NRG3: variants seen among roughly 807,000 people sequenced by gnomAD.
The protein encoded by NRG3 is neuregulin 3, also known as pro-neuregulin-3, membrane-bound isoform.
A neutral mutation model predicts 66.9 loss-of-function variants in NRG3; 31 were observed. The ratio of observed to expected loss-of-function variants is 0.46; its 90% CI spans 0.35 to 0.63. The LOEUF (loss-of-function observed/expected upper bound fraction) is 0.63, where lower values mean the gene tolerates loss of function less well. NRG3 is among the 20% of genes least tolerant of loss of function. NRG3 has a pLI of 0.00. For synonymous variants in NRG3, 393 were observed against 359.4 expected (o/e 1.09, Z -1.06); for missense variants, 910 against 878.9 (o/e 1.04, Z -0.45).
intron 2 of NRG3, among the ~76,000 whole-genome samples, chr10:82,402,649 C>A (rs1026749594): frequency 6.6e-6 from 1 of 152,116 alleles, no homozygotes; most frequent in Admixed American, 6.6e-5. Context: ...GTATCACTAA[C>A]CTGAATCTTT....
chr10:81,923,610 C>A (rs1449527656), intron 1 of NRG3, among the ~76,000 whole-genome samples: 1 of 152,326 alleles, frequency 6.6e-6, no homozygotes, highest in Non-Finnish European at 1.5e-5. Flanking sequence ...TTTTCCCACA[C>A]TCCTAAGAGA....
chr10:81,935,919 A>ACACACACACACACAC (rs1192033295), intron 1 of NRG3, among the ~76,000 whole-genome samples: 133 of 146,758 alleles, frequency 9.1e-4, no homozygotes, highest in African/African-American at 3.3e-3. Context: ...ACACACACAC[A>ACACACACACACACAC]CACACAGTTT....
At chr10:82,386,891 C>T (rs886365943) in intron 2 of NRG3, among the ~76,000 whole-genome samples, 17 of 152,106 alleles carry the variant, frequency 1.1e-4, no homozygotes, top group African/African-American at 3.1e-4. Context: ...CCTCCTCCTC[C>T]CGGGTTCAAG....
intron 2 of NRG3, among the ~76,000 whole-genome samples, chr10:82,369,067 T>A (rs2084720261): frequency 7.2e-6 from 1 of 138,596 alleles, no homozygotes; most frequent in African/African-American, 3.3e-5. Context: ...AGCATGCTAT[T>A]TCTTTCCAAA....
intron 1 of NRG3, among the ~76,000 whole-genome samples, chr10:82,357,507 G>A (rs1198453074): frequency 6.6e-6 from 1 of 152,174 alleles, no homozygotes; most frequent in Non-Finnish European, 1.5e-5. Flanking sequence ...TGGAGGCTGG[G>A]AAGTCTAAGG....
chr10:81,887,778 A>T (rs774952749), intron 1 of NRG3, among the ~76,000 whole-genome samples: 1 of 152,124 alleles, frequency 6.6e-6, no homozygotes, highest in Non-Finnish European at 1.5e-5. Flanking sequence ...TTCTATTTAT[A>T]TACTGTGTAA....
chr10:82,464,245 C>T (rs1840462363), intron 2 of NRG3, among the ~76,000 whole-genome samples: 1 of 152,110 alleles, frequency 6.6e-6, no homozygotes, highest in African/African-American at 2.4e-5. Context: ...AATATGAAGA[C>T]TTAGGCTCAG....
At chr10:82,332,146 C>A (rs1488203988) in intron 1 of NRG3, among the ~76,000 whole-genome samples, 1 of 152,182 alleles carries the variant, frequency 6.6e-6, no homozygotes, top group African/African-American at 2.4e-5. Flanking sequence ...TTCTTTGGAG[C>A]CATAGTGTTC....
intron 1 of NRG3, among the ~76,000 whole-genome samples, chr10:82,290,418 T>A (rs572770353): frequency 6.2e-4 from 95 of 152,318 alleles, no homozygotes; most frequent in African/African-American, 2.1e-3. Context: ...ATATTTGATA[T>A]CTATTTATAC....
At position 81,875,513 on chromosome 10, in the gene NRG3, T is replaced by G; in HGVS notation, c.173T>G (p.Ile58Ser). 1 of 1,608,970 alleles carries G rather than the reference T, an allele frequency of 6.2e-7. No homozygotes were observed. Among genetic ancestry groups the G allele is most frequent in the Non-Finnish European group, 8.5e-7 (1 of 1,178,066 alleles). ...PPRELRCSDC[I>S]VWNRQQTWLC... Reference sequence around the variant, plus strand: ...CGGGAGTTACGCTGTAGCGACTGCATCGTGTGGAACCGGCAGCAGACGTGG... The same window carrying G: ...CGGGAGTTACGCTGTAGCGACTGCAGCGTGTGGAACCGGCAGCAGACGTGG... The change falls in exon 1 of 9, where the codon ATC becomes AGC. Residue 58 changes from isoleucine to serine, a missense_variant. By Grantham distance (142) the Ile-to-Ser change is moderately radical. Transcript: ENST00000372141. The surrounding 1 kb of genome is among the most constrained non-coding windows in gnomAD (Gnocchi z 5.3).
At chr10:82,869,055 C>A (rs890518198) in intron 4 of NRG3, among the ~76,000 whole-genome samples, 10 of 152,064 alleles carry the variant, frequency 6.6e-5, no homozygotes, top group Non-Finnish European at 1.0e-4. Flanking sequence ...GTGCCATCAT[C>A]CCAAGTAATA....
chr10:82,450,796 A>G (rs1208697295), intron 2 of NRG3, among the ~76,000 whole-genome samples: 2 of 152,212 alleles, frequency 1.3e-5, no homozygotes, highest in Admixed American at 1.3e-4. Flanking sequence ...ATTGAATCCA[A>G]CAAAAATTTC....
At chr10:82,038,485 T>C (rs11192251) in intron 1 of NRG3, among the ~76,000 whole-genome samples, 9,744 of 152,168 alleles carry the variant, frequency 0.064, 408 homozygotes, top group East Asian at 0.16. Context: ...AAAGGGGCAA[T>C]GCTCATAAGT....
At chr10:82,917,734 C>T (rs555681815) in intron 4 of NRG3, among the ~76,000 whole-genome samples, 1 of 151,894 alleles carries the variant, frequency 6.6e-6, no homozygotes, top group Admixed American at 6.6e-5. Flanking sequence ...AAGTCTCTTG[C>T]TGCCTAGAAG....
chr10:82,095,897 T>A (rs1357598870), intron 1 of NRG3, among the ~76,000 whole-genome samples: 6 of 152,144 alleles, frequency 3.9e-5, no homozygotes, highest in Non-Finnish European at 8.8e-5. Context: ...ACGTGGGGAA[T>A]CTTCAAGAAA....
intron 1 of NRG3, among the ~76,000 whole-genome samples, chr10:81,908,631 A>G (rs1481072842): frequency 6.6e-6 from 1 of 152,194 alleles, no homozygotes; most frequent in Non-Finnish European, 1.5e-5. Context: ...GTTTCATGTT[A>G]AACCACCTTT....
intron 2 of NRG3, among the ~76,000 whole-genome samples, chr10:82,650,956 G>A (rs1331545637): frequency 1.3e-5 from 2 of 152,104 alleles, no homozygotes; most frequent in African/African-American, 4.8e-5. Context: ...GGGAAAAACT[G>A]CTTTCAGACA....
chr10:82,426,065 C>A (rs969518978), intron 2 of NRG3, among the ~76,000 whole-genome samples: 50 of 152,142 alleles, frequency 3.3e-4, no homozygotes, highest in African/African-American at 8.9e-4. Flanking sequence ...CAACCTCAGA[C>A]AAAGGAAATA....
intron 2 of NRG3, among the ~76,000 whole-genome samples, chr10:82,440,941 C>T (rs1277478591): frequency 6.6e-6 from 1 of 152,146 alleles, no homozygotes; most frequent in Non-Finnish European, 1.5e-5. Context: ...TTTGCTGACT[C>T]AGCTTAAATT....
Sources: gnomAD v4.1 joint callset for allele counts (sites outside exome capture counted in the v4.1 genomes callset) on GRCh38, gnomAD v4.1.1 for gene constraint, Gnocchi (gnomAD v3.1) non-coding constraint, MANE v1.5 for transcripts, NCBI Gene and HGNC (gene_info 2026-07-23, HGNC 2026-07-21) for gene names.